Variants in ELAVL4 observed in about 807,000 individuals in gnomAD.
ELAVL4 encodes ELAV like RNA binding protein 4.
ELAVL4 carries 1 observed loss-of-function variant against 35.6 expected under a neutral mutation model. That is an observed-to-expected ratio of 0.03 (90% confidence interval 0.01 to 0.13). ELAVL4 has a LOEUF of 0.13. Among genes scored for constraint, ELAVL4 ranks in the 10% least tolerant of loss-of-function variants. The pLI is 1.00. For missense variants in ELAVL4, 267 were observed against 464.9 expected (o/e 0.57, Z 3.91); for synonymous variants, 156 against 171.0 (o/e 0.91, Z 0.69).
chr1:50,090,640 A>C (rs909894943), intron 1 of ELAVL4, among the ~76,000 whole-genome samples: 1 of 152,098 alleles, frequency 6.6e-6, no homozygotes, highest in Non-Finnish European at 1.5e-5. Flanking sequence ...CCTCTCATCT[A>C]GTGGCTCTGT....
chr1:50,118,922 C>G (rs1332954167), intron 1 of ELAVL4, among the ~76,000 whole-genome samples: 1 of 118,708 alleles, frequency 8.4e-6, no homozygotes, highest in Non-Finnish European at 1.6e-5. Context: ...TGCCATTTTG[C>G]AGGTCCTATG....
intron 1 of ELAVL4, among the ~76,000 whole-genome samples, chr1:50,140,733 T>A (rs1672682230): frequency 6.6e-6 from 1 of 152,210 alleles, no homozygotes; most frequent in African/African-American, 2.4e-5. Context: ...GAGAAAACTC[T>A]CTTTGTATGT....
rs913225109 is a variant in ELAVL4 at position 50,155,580 on chromosome 1, G to A, written c.250+10383G>A. 2.6e-5 allele frequency among the ~76,000 whole-genome samples: 4 copies of A among 152,108 alleles called. No individual in the cohort carries two copies. In the East Asian group the frequency reaches 7.7e-4, roughly 29 times the overall value. On this transcript the variant is annotated intron_variant, in intron 2 of 6. Transcript: ENST00000371824. ...TATTAATATAAGGTATAAACAATGT[G>A]CCCTATGGAGGAGGTGTTCTGAAGC...
intron 1 of ELAVL4, among the ~76,000 whole-genome samples, chr1:50,139,018 G>GA (rs541769297): frequency 1.3e-5 from 2 of 151,774 alleles, no homozygotes; most frequent in South Asian, 2.1e-4. Context: ...TTTAAAAATT[G>GA]AAAAAAAATC....
intron 3 of ELAVL4, chr1:50,181,399 G>C (rs1264278854): frequency 6.6e-6 from 1 of 152,292 alleles, no homozygotes; most frequent in Non-Finnish European, 1.5e-5. Flanking sequence ...TTGGGTCCCT[G>C]CTTTCCAGGC....
intron 2 of ELAVL4, among the ~76,000 whole-genome samples, chr1:50,169,861 T>C (rs1247096445): frequency 6.6e-6 from 1 of 152,210 alleles, no homozygotes; most frequent in Admixed American, 6.5e-5. Flanking sequence ...CTGTTATATG[T>C]ATTATTTTTG....
intron 2 of ELAVL4, among the ~76,000 whole-genome samples, chr1:50,146,818 C>T (rs969306307): frequency 1.6e-4 from 25 of 152,098 alleles, no homozygotes; most frequent in African/African-American, 5.8e-4. Context: ...ACAGACTCTG[C>T]CAGCTATATT....
intron 1 of ELAVL4, among the ~76,000 whole-genome samples, chr1:50,136,829 A>C (rs749205914): frequency 3.3e-5 from 5 of 152,150 alleles, no homozygotes; most frequent in Admixed American, 6.5e-5. Flanking sequence ...CTCCGCCAGA[A>C]AACCAGGAGT....
intron 1 of ELAVL4, among the ~76,000 whole-genome samples, chr1:50,119,462 G>A (rs1668657810): frequency 6.6e-6 from 1 of 152,162 alleles, no homozygotes; most frequent in East Asian, 1.9e-4. Flanking sequence ...CTTCTTGCTA[G>A]GTAGGTGTTT....
At chr1:50,101,644 A>G (rs965274815), upstream of ELAVL4, among the ~76,000 whole-genome samples, 2 of 152,018 alleles carry the variant, frequency 1.3e-5, no homozygotes, top group Non-Finnish European at 2.9e-5. Flanking sequence ...AGAGGCTTAT[A>G]CCTATAATAT....
intron 5 of ELAVL4, among the ~76,000 whole-genome samples, 160 bp downstream of exon 5, chr1:50,195,946 A>G (rs188294047): frequency 6.6e-6 from 1 of 152,352 alleles, no homozygotes; most frequent in Non-Finnish European, 1.5e-5. Flanking sequence ...CCATTCCTGT[A>G]AAATGAGACA....
intron 1 of ELAVL4, among the ~76,000 whole-genome samples, chr1:50,117,901 T>C (rs1398772085): frequency 6.6e-6 from 1 of 152,106 alleles, no homozygotes; most frequent in East Asian, 1.9e-4. Flanking sequence ...TTCCTCGGAA[T>C]TGTATGGCTT....
intron 1 of ELAVL4, among the ~76,000 whole-genome samples, chr1:50,085,272 G>A (rs1388828506): frequency 6.6e-6 from 1 of 152,260 alleles, no homozygotes; most frequent in Admixed American, 6.5e-5. Context: ...TTGACATTTG[G>A]CCAGAGTTCC....
intron 1 of ELAVL4, among the ~76,000 whole-genome samples, chr1:50,143,817 CAG>C (rs1673228404): frequency 6.6e-6 from 1 of 152,020 alleles, no homozygotes; most frequent in Non-Finnish European, 1.5e-5. Flanking sequence ...TCTATGATAA[CAG>C]AGAAGTAACT....
chr1:50,078,771 G>T (rs964900843), intron 1 of ELAVL4, among the ~76,000 whole-genome samples: 22 of 152,140 alleles, frequency 1.4e-4, no homozygotes, highest in African/African-American at 4.3e-4. Flanking sequence ...TGTCTTCTGT[G>T]CTCTCCCTGT....
At chr1:50,055,535 G>A (rs889530596) in intron 1 of ELAVL4, among the ~76,000 whole-genome samples, 1 of 151,814 alleles carries the variant, frequency 6.6e-6, no homozygotes, top group East Asian at 1.9e-4. Flanking sequence ...TCCTGACCTC[G>A]TGATCCACCC....
intron 1 of ELAVL4, among the ~76,000 whole-genome samples, chr1:50,078,778 C>CTGTGCAAA (rs2148494063): frequency 6.6e-6 from 1 of 152,304 alleles, no homozygotes; most frequent in South Asian, 2.1e-4. Flanking sequence ...TGTGCTCTCC[C>CTGTGCAAA]TGTGCAAATC....
chr1:50,060,262 T>C (rs1177320665), intron 1 of ELAVL4, among the ~76,000 whole-genome samples: 1 of 152,204 alleles, frequency 6.6e-6, no homozygotes, highest in Non-Finnish European at 1.5e-5. Context: ...TCAGAGAGAT[T>C]GTTATGACCT....
chr1:50,108,052 T>C (rs1666498171), upstream of ELAVL4, among the ~76,000 whole-genome samples: 1 of 152,246 alleles, frequency 6.6e-6, no homozygotes, highest in Non-Finnish European at 1.5e-5. Flanking sequence ...AAGCATGTTT[T>C]ACCTTTCTCT....
Sources: gnomAD v4.1 joint callset for allele counts (sites outside exome capture counted in the v4.1 genomes callset) on GRCh38, gnomAD v4.1.1 for gene constraint, MANE v1.5 for transcripts, NCBI Gene and HGNC (gene_info 2026-07-23, HGNC 2026-07-21) for gene names.